Variants in ZNF750 observed in about 807,000 individuals in gnomAD.
ZNF750 encodes protein ZNF750.
ZNF750 carries 10 observed loss-of-function variants against 31.6 expected under a neutral mutation model. That is an observed-to-expected ratio of 0.32 (90% CI 0.19 to 0.54). The LOEUF (loss-of-function observed/expected upper bound fraction) is 0.54, where lower values mean the gene tolerates loss of function less well. Among genes scored for constraint, ZNF750 ranks in the 20% least tolerant of loss-of-function variants. ZNF750 has a pLI of 0.95. For missense variants in ZNF750, 914 were observed against 934.9 expected (o/e 0.98, Z 0.29); for synonymous variants, 400 against 404.9 (o/e 0.99, Z 0.15).
rs374328487 is a variant in ZNF750, at chr17:82,830,544, A to G, written c.1770T>C (p.Ser590=). ...TCTCAGGGTGGCTGGGCCCATCCTC[A>G]GAACCTTCTGTCCCAGTCTTCTGTG... ...AVPQKTGTEG[S]EDGPSHPETK... is the part of the protein sequence containing the mutation. The change falls in exon 3 of 3, where the codon TCT becomes TCC. Residue 590 remains serine, a synonymous_variant. Transcript: ENST00000269394. 1.5e-5 allele frequency: 24 copies of G among 1,614,012 alleles called. No homozygotes were observed. The highest frequency in any genetic ancestry group is 1.7e-5 in the Non-Finnish European group (20 of 1,180,032).
At position 82,832,054 on chromosome 17, in the gene ZNF750, C is replaced by T. The variant is rs748948272; in HGVS notation, c.401G>A (p.Arg134Lys). The T allele has an allele frequency of 4.3e-6, 7 of 1,613,812 alleles. No individual in the cohort carries two copies. In the African/African-American group the frequency reaches 9.3e-5, roughly 22 times the overall value. Residue 134 changes from arginine (R) to lysine (K), a missense_variant, in exon 2 of 3, where the codon AGG becomes AAG. Transcript: ENST00000269394. The surrounding 1 kb of genome is among the most constrained non-coding windows in gnomAD (Gnocchi z 4.9). The part of the protein sequence containing the change: ...RCLGQKPALH[R>K]ASPCKSPAPE... Reference sequence around the variant, plus strand: ...AGCTGGGCTCTTGCAGGGTGATGCCCTGTGGAGGGCTGGCTTCTGTCCCAG... The same window carrying T: ...AGCTGGGCTCTTGCAGGGTGATGCCTTGTGGAGGGCTGGCTTCTGTCCCAG...
intron 1 of ZNF750, chr17:82,838,584 T>C (rs1052196207): frequency 6.5e-6 from 6 of 918,070 alleles, no homozygotes; most frequent in Non-Finnish European, 7.8e-6. Context: ...GGACACACCA[T>C]TGTCGCCTAC....
At position 82,831,307 on chromosome 17, in the gene ZNF750, T is replaced by G. The variant is rs2053488734; in HGVS notation, c.1148A>C (p.Glu383Ala). 1.2e-6 allele frequency: 2 copies of G among 1,614,016 alleles called. No individual in the cohort carries two copies. Among genetic ancestry groups the G allele is most frequent in the African/African-American group, 2.7e-5 (2 of 75,054 alleles). Residue 383 changes from glutamate to alanine, a missense_variant, in exon 2 of 3, where the codon GAG becomes GCG. Glu to Ala is a moderately radical substitution (Grantham distance 107). Transcript: ENST00000269394. The surrounding 1 kb of genome is among the most constrained non-coding windows in gnomAD (Gnocchi z 4.6). The part of the protein sequence containing the change: ...KHVEFESPIP[E>A]AKDSSKAGQR... ...CCCAGCCTTGGAGGAGTCTTTAGCC[T>G]CAGGAATTGGACTTTCGAACTCGAC...
chr17:82,837,495 CT>C (rs2054090039), intron 1 of ZNF750, among the ~76,000 whole-genome samples: 1 of 152,196 alleles, frequency 6.6e-6, no homozygotes, highest in African/African-American at 2.4e-5. Context: ...TCTTTCTCTC[CT>C]GGGGGAGGTG....
chr17:82,837,618 TTACA>T (rs1392415510), intron 1 of ZNF750, among the ~76,000 whole-genome samples: 1 of 152,196 alleles, frequency 6.6e-6, no homozygotes, highest in African/African-American at 2.4e-5. Context: ...CTAGCGTGTT[TTACA>T]GTGAAGACCT....
intron 1 of ZNF750, among the ~76,000 whole-genome samples, chr17:82,836,880 T>G (rs1422229952): frequency 6.6e-6 from 1 of 152,206 alleles, no homozygotes; most frequent in African/African-American, 2.4e-5. Context: ...AGATTTGCCC[T>G]TTTGTTCTTT....
At position 82,829,944 on chromosome 17, in the gene ZNF750, G is replaced by A. The variant is rs2053325617; in HGVS notation, c.*198C>T. Reference sequence around the variant, plus strand: ...GGTGTTTTTACAACCAAAAGTAGAAGCACCTTTTAATATTCATGCTTAATA... The same window carrying A: ...GGTGTTTTTACAACCAAAAGTAGAAACACCTTTTAATATTCATGCTTAATA... On this transcript the variant is annotated 3_prime_UTR_variant, in exon 3 of 3. Transcript: ENST00000269394. 1 of 857,232 alleles carries A rather than the reference G, an allele frequency of 1.2e-6. No homozygotes were observed. The highest frequency in any genetic ancestry group is 2.8e-5 in the Admixed American group (1 of 35,384). 53.1% of individuals were successfully genotyped at this position (857,232 alleles called of 1,614,324 possible). A position where few individuals can be genotyped will look rare whatever the true frequency, so the allele number is the denominator to read the frequency against.
chr17:82,835,130 T>C lies in ZNF750; in HGVS notation c.-182-2494A>G, dbSNP rs2053857548. On this transcript the variant is annotated intron_variant, in intron 1 of 2. Transcript: ENST00000269394. This position sits in a 1 kb window ranked among gnomAD's most constrained non-coding sequence, Gnocchi z 4.5. Reference sequence around the variant, plus strand: ...CAACTGCAGTATTTTTTTTAAGGAATGGGCAGATGTGCCCATTCTTGAGTC... The same window carrying C: ...CAACTGCAGTATTTTTTTTAAGGAACGGGCAGATGTGCCCATTCTTGAGTC... 1.3e-5 allele frequency among the ~76,000 whole-genome samples: 2 copies of C among 152,188 alleles called. No individual in the cohort carries two copies. The highest frequency in any genetic ancestry group is 2.9e-5 in the Non-Finnish European group (2 of 68,028).
At chr17:82,834,190 C>A (rs2060963205) in intron 1 of ZNF750, among the ~76,000 whole-genome samples, 1 of 152,096 alleles carries the variant, frequency 6.6e-6, no homozygotes, top group African/African-American at 2.4e-5. Context: ...TCAGGTGATC[C>A]ACCTGCCTTA....
Position 82,832,519 on chromosome 17 carries a change from C to A in ZNF750, c.-65G>T. The A allele has an allele frequency of 6.9e-7, 1 of 1,458,604 alleles. No homozygotes were observed. The highest frequency in any genetic ancestry group is 1.7e-4 in the Middle Eastern group (1 of 5,758). 90.4% of individuals were successfully genotyped at this position (1,458,604 alleles called of 1,614,324 possible). A position where few individuals can be genotyped will look rare whatever the true frequency, so the allele number is the denominator to read the frequency against. On this transcript the variant is annotated 5_prime_UTR_variant, in exon 2 of 3. Transcript: ENST00000269394. The surrounding 1 kb of genome is among the most constrained non-coding windows in gnomAD (Gnocchi z 4.9). ...GTGATCACTGTCGACGCCGCGTGCACTTCGTGGTTTCTAAAGAGGCACCTC... is the reference window on the plus strand; with the variant it reads ...GTGATCACTGTCGACGCCGCGTGCAATTCGTGGTTTCTAAAGAGGCACCTC...
Position 82,831,951 on chromosome 17 carries a change from G to T in ZNF750, c.504C>A (p.His168Gln), listed in dbSNP as rs755072404. 6.2e-7 allele frequency: 1 copy of T among 1,614,052 alleles called. No individual in the cohort carries two copies. The highest frequency in any genetic ancestry group is 8.5e-7 in the Non-Finnish European group (1 of 1,179,926). ...CGGCGTTGTCTGGCCCCTTGAGTCT[G>T]TGCTCGCCGACTGGAACAAATGCAG... ...RPSAFVPVGE[H>Q]RLKGPDNAEA... Residue 168 changes from histidine (H) to glutamine (Q), a missense_variant, in exon 2 of 3, where the codon CAC (histidine) becomes CAA (glutamine). His to Gln is a conservative substitution (Grantham distance 24). Transcript: ENST00000269394. The surrounding 1 kb of genome is among the most constrained non-coding windows in gnomAD (Gnocchi z 4.6).
Position 82,831,680 on chromosome 17 carries a change from A to C in ZNF750, c.775T>G (p.Tyr259Asp). ...TCAGGCGAGCTCCCAGCCAGCAGGT[A>C]AGGCGAGTAGATGGTGGCCAGCCCG... The part of the protein sequence containing the change: ...EHGLATIYSP[Y>D]LLAGSSPECD... The change falls in exon 2 of 3, where the codon TAC becomes GAC. Residue 259 changes from tyrosine to aspartate, a missense_variant. Transcript: ENST00000269394. The surrounding 1 kb of genome is among the most constrained non-coding windows in gnomAD (Gnocchi z 4.6). The C allele has an allele frequency of 1.2e-6, 2 of 1,614,134 alleles. No homozygotes were observed. Among genetic ancestry groups the C allele is most frequent in the Non-Finnish European group, 1.7e-6 (2 of 1,180,020 alleles).
intron 1 of ZNF750, chr17:82,839,033 G>A (rs2054230365): frequency 1.1e-6 from 1 of 944,648 alleles, no homozygotes; most frequent in South Asian, 4.9e-5. Context: ...TTGTATCTGT[G>A]TCTATATGTA....
In ZNF750 at chr17:82,830,615, C is replaced by T. The variant is rs766578118; in HGVS notation, c.1699G>A (p.Ala567Thr). The change falls in exon 3 of 3, where the codon GCC (alanine) becomes ACC (threonine). Residue 567 changes from alanine (A) to threonine (T), a missense_variant. This residue lies in a region of ZNF750 where 880 missense variants were observed against 868.9 expected (regional missense o/e 1.01). Coordinates refer to ENST00000269394, the MANE Select transcript of ZNF750 (RefSeq NM_024702.3). Reference protein sequence around the residue: ...DPCNTQAPRPAFPGRPRAAEP... With the variant: ...DPCNTQAPRPTFPGRPRAAEP... ...GCAGCTCGTGGTCGACCGGGGAAGG[C>T]AGGCCTCGGAGCCTGGGTGTTACAG... The T allele has an allele frequency of 3.4e-5, 55 of 1,613,922 alleles. No individual in the cohort carries two copies. Among genetic ancestry groups the T allele is most frequent in the Non-Finnish European group, 4.3e-5 (51 of 1,179,980 alleles).
chr17:82,836,890 T>C (rs1037455247), intron 1 of ZNF750, among the ~76,000 whole-genome samples: 2 of 152,214 alleles, frequency 1.3e-5, no homozygotes, highest in Non-Finnish European at 2.9e-5. Flanking sequence ...TTTTGTTCTT[T>C]GATCAGTTAG....
rs116685344 is a variant in ZNF750 at position 82,835,249 on chromosome 17, C to T, written c.-182-2613G>A. ...GCAACGTGTGTGGGAGCCTAGGAGG[C>T]AGCTGTCCCTGAAGCAAGGCGCCAC... On this transcript the variant is annotated intron_variant, in intron 1 of 2. Transcript: ENST00000269394. This position sits in a 1 kb window ranked among gnomAD's most constrained non-coding sequence, Gnocchi z 4.5. 0.029 allele frequency among the ~76,000 whole-genome samples: 4,371 copies of T among 152,174 alleles called. 230 individuals are homozygous for T. Among genetic ancestry groups the T allele is most frequent in the African/African-American group, 0.099 (4,094 of 41,490 alleles).
intron 1 of ZNF750, among the ~76,000 whole-genome samples, chr17:82,839,549 G>A (rs1598842981): frequency 6.6e-6 from 1 of 152,116 alleles, no homozygotes; most frequent in Admixed American, 6.5e-5. Context: ...TCACCCTAAT[G>A]TACATACACC....
intron 1 of ZNF750, among the ~76,000 whole-genome samples, chr17:82,838,388 T>C (rs79868724): frequency 0.027 from 4,175 of 152,238 alleles, 214 homozygotes; most frequent in African/African-American, 0.094. Context: ...TTTAACTTTA[T>C]GGGACGTTTC....
intron 1 of ZNF750, among the ~76,000 whole-genome samples, chr17:82,836,643 C>T (rs1041970735): frequency 1.3e-4 from 19 of 150,522 alleles, no homozygotes; most frequent in African/African-American, 4.2e-4. Context: ...ATGAGGACTT[C>T]AGTTTTCGAA....
Sources: allele counts gnomAD v4.1 joint callset (sites outside exome capture counted in the v4.1 genomes callset), GRCh38; gene constraint gnomAD v4.1.1; regional missense constraint gnomAD v4.1.1; non-coding constraint Gnocchi (gnomAD v3.1); transcripts MANE v1.5; gene names NCBI Gene and HGNC (gene_info 2026-07-23, HGNC 2026-07-21).